SLC25A21: variants seen among roughly 807,000 people sequenced by gnomAD.
SLC25A21 encodes solute carrier family 25 member 21, also known as mitochondrial 2-oxodicarboxylate carrier.
In SLC25A21, 47 loss-of-function variants were observed where a neutral mutation model predicts 43.8. That is an observed-to-expected ratio of 1.07 (90% CI 0.85 to 1.37). The LOEUF (loss-of-function observed/expected upper bound fraction) is 1.37, where lower values mean the gene tolerates loss of function less well. Ranked by LOEUF, SLC25A21 falls within the 40% of genes most tolerant of loss-of-function variation. SLC25A21 has a pLI of 0.00. For missense variants in SLC25A21, 352 were observed against 350.2 expected, an observed-to-expected ratio of 1.00 and a Z score of -0.04; for synonymous variants, 131 against 121.3, an observed-to-expected ratio of 1.08 and a Z score of -0.52.
At chr14:36,983,335 C>G (rs1018509551) in intron 1 of SLC25A21, among the ~76,000 whole-genome samples, 1 of 152,126 alleles carries the variant, frequency 6.6e-6, no homozygotes, top group African/African-American at 2.4e-5. Context: ...GCTTCTGATT[C>G]ATTTATTTCA....
At chr14:36,966,599 A>G (rs955173721) in intron 1 of SLC25A21, among the ~76,000 whole-genome samples, 1 of 152,060 alleles carries the variant, frequency 6.6e-6, no homozygotes, top group Non-Finnish European at 1.5e-5. Context: ...CTATCTACAC[A>G]CTGTACTCTC....
chr14:36,930,977 C>T (rs576404058), intron 1 of SLC25A21, among the ~76,000 whole-genome samples: 15 of 152,208 alleles, frequency 9.9e-5, no homozygotes, highest in African/African-American at 3.6e-4. Context: ...CTTCAAAATT[C>T]AGCTTAGAAA....
At chr14:36,723,173 T>C (rs1407001430) in intron 6 of SLC25A21, among the ~76,000 whole-genome samples, 1 of 152,212 alleles carries the variant, frequency 6.6e-6, no homozygotes, top group East Asian at 1.9e-4. Flanking sequence ...TGACCAGCAA[T>C]ATCCGAATGT....
intron 3 of SLC25A21, among the ~76,000 whole-genome samples, chr14:36,812,801 C>T (rs1888319032): frequency 1.3e-5 from 2 of 152,000 alleles, no homozygotes; most frequent in African/African-American, 4.8e-5. Context: ...GTCAAGCAGA[C>T]CTAGATTTGA....
At chr14:36,800,448 T>C (rs1594268) in intron 3 of SLC25A21, among the ~76,000 whole-genome samples, 73,661 of 152,018 alleles carry the variant, frequency 0.48, 19,328 homozygotes, top group East Asian at 0.7. Context: ...ACCTTGAAGG[T>C]ACATTATGTT....
intron 1 of SLC25A21, among the ~76,000 whole-genome samples, chr14:36,926,262 C>T (rs1892128975): frequency 6.6e-6 from 1 of 152,106 alleles, no homozygotes; most frequent in Admixed American, 6.6e-5. Context: ...TAAAATTAGT[C>T]ATGTCCAAAG....
Position 36,876,530 on chromosome 14 carries a change from A to G in SLC25A21, c.71-1526T>C, listed in dbSNP as rs78582770. Among the ~76,000 whole-genome samples, 1,331 of 152,206 alleles carry G rather than the reference A, an allele frequency of 8.7e-3. 12 individuals carry two copies. Among genetic ancestry groups the G allele is most frequent in the African/African-American group, 0.031 (1,280 of 41,532 alleles). ...GGACATGACAGCAAAGCCTCTAGGTACTGTTTTAGCTTTATTATTAAGCCC... is the reference window on the plus strand; with the variant it reads ...GGACATGACAGCAAAGCCTCTAGGTGCTGTTTTAGCTTTATTATTAAGCCC... On this transcript the variant is annotated intron_variant, in intron 1 of 9. Coordinates refer to ENST00000331299, the MANE Select transcript of SLC25A21 (RefSeq NM_030631.4).
At chr14:37,056,262 G>A (rs768749013) in intron 1 of SLC25A21, among the ~76,000 whole-genome samples, 6 of 151,974 alleles carry the variant, frequency 3.9e-5, no homozygotes, top group Admixed American at 6.6e-5. Context: ...AGGCCGAGGC[G>A]GGCGGATCAT....
At chr14:37,163,223 A>G (rs1963978031) in intron 1 of SLC25A21, among the ~76,000 whole-genome samples, 12 of 152,016 alleles carry the variant, frequency 7.9e-5, no homozygotes. Context: ...GCGCACCAGC[A>G]TGGCACATGT....
chr14:36,860,932 A>G (rs1594647667), intron 2 of SLC25A21, among the ~76,000 whole-genome samples: 1 of 152,336 alleles, frequency 6.6e-6, no homozygotes, highest in African/African-American at 2.4e-5. Context: ...GAAGTATGTA[A>G]CCTATTAAGC....
intron 1 of SLC25A21, among the ~76,000 whole-genome samples, chr14:37,028,061 A>T (rs1197177538): frequency 1.3e-5 from 2 of 152,124 alleles, no homozygotes; most frequent in East Asian, 1.9e-4. Context: ...AAAATGCTAA[A>T]TTTTTTCAAA....
At chr14:36,871,267 T>C (rs1890365258) in intron 2 of SLC25A21, among the ~76,000 whole-genome samples, 2 of 152,076 alleles carry the variant, frequency 1.3e-5, no homozygotes, top group Admixed American at 1.3e-4. Flanking sequence ...GCCTTGCTCT[T>C]TCACCATGTG....
chr14:36,925,025 G>A (rs185730878), intron 1 of SLC25A21, among the ~76,000 whole-genome samples: 73 of 152,050 alleles, frequency 4.8e-4, no homozygotes, highest in African/African-American at 1.7e-3. Context: ...GTTAGCTGAC[G>A]GTAGACTAAC....
At chr14:37,080,162 G>A (rs1240841006) in intron 1 of SLC25A21, among the ~76,000 whole-genome samples, 3 of 152,078 alleles carry the variant, frequency 2.0e-5, no homozygotes, top group African/African-American at 7.2e-5. Flanking sequence ...GACTAAACTC[G>A]AGATATCTTT....
chr14:36,998,060 C>T (rs962265466), intron 1 of SLC25A21, among the ~76,000 whole-genome samples: 1 of 152,088 alleles, frequency 6.6e-6, no homozygotes, highest in Non-Finnish European at 1.5e-5. Context: ...TGATGTCAGC[C>T]CAACCAACAT....
intron 2 of SLC25A21, among the ~76,000 whole-genome samples, chr14:36,843,556 G>A (rs1889450405): frequency 6.6e-6 from 1 of 151,942 alleles, no homozygotes; most frequent in South Asian, 2.1e-4. Context: ...TTCTCACTCT[G>A]TATATCTATC....
At chr14:37,071,962 A>G (rs1962181773) in intron 1 of SLC25A21, among the ~76,000 whole-genome samples, 1 of 151,844 alleles carries the variant, frequency 6.6e-6, no homozygotes, top group Admixed American at 6.5e-5. Flanking sequence ...TGGGTGGATC[A>G]CCTGAGGTCA....
chr14:36,902,262 G>C lies in SLC25A21; in HGVS notation c.71-27258C>G, dbSNP rs1891415774. Reference sequence around the variant, plus strand: ...AGCTTTCCAGAGACTATTCTGATGAGGGTTGTAGCTATGCTGTTTAGGTTG... The same window carrying C: ...AGCTTTCCAGAGACTATTCTGATGACGGTTGTAGCTATGCTGTTTAGGTTG... On this transcript the variant is annotated intron_variant, in intron 1 of 9. Coordinates refer to ENST00000331299, the MANE Select transcript of SLC25A21 (RefSeq NM_030631.4). Among the ~76,000 whole-genome samples the C allele has an allele frequency of 2.0e-5, 3 of 152,166 alleles. No homozygotes were observed. The South Asian group carries it at 6.2e-4, about 32-fold the overall frequency.
chr14:36,889,846 A>G (rs1276110381), intron 1 of SLC25A21, among the ~76,000 whole-genome samples: 2 of 152,158 alleles, frequency 1.3e-5, no homozygotes, highest in South Asian at 2.1e-4. Flanking sequence ...CTAGCTCACT[A>G]AACAATATTT....
Sources: allele counts gnomAD v4.1 joint callset (sites outside exome capture counted in the v4.1 genomes callset), GRCh38; gene constraint gnomAD v4.1.1; transcripts MANE v1.5; gene names NCBI Gene and HGNC (gene_info 2026-07-23, HGNC 2026-07-21).